The following RXFP2 variants were observed in gnomAD, a reference collection of about 807,000 sequenced individuals.
RXFP2 encodes the protein relaxin receptor 2.
Under a neutral mutation model 88.6 loss-of-function variants are expected in RXFP2, and 68 were observed. The observed-to-expected ratio is 0.77, with a 90% CI of 0.63 to 0.94. The LOEUF (loss-of-function observed/expected upper bound fraction) is 0.94. Among genes scored for constraint, RXFP2 ranks in the 40% least tolerant of loss-of-function variants. The pLI is 0.00. For missense variants in RXFP2, 791 were observed against 893.9 expected, an observed-to-expected ratio of 0.88 and a Z score of 1.47; for synonymous variants, 329 against 306.8, an observed-to-expected ratio of 1.07 and a Z score of -0.76.
rs576759368 is a variant in RXFP2 at position 31,800,527 on chromosome 13, G to A, written c.2006-1619G>A. Among the ~76,000 whole-genome samples the A allele has an allele frequency of 3.9e-5, 6 of 152,308 alleles. 1 individual carries two copies. In the South Asian group the frequency reaches 1.2e-3, roughly 32 times the overall value. ...GTAGAGCTTGCAGTGAGCCGAGATC[G>A]TGCCACTGCACTCCAGCCTGGGCGA... On this transcript the variant is annotated intron_variant, in intron 17 of 17. Coordinates refer to ENST00000298386, the MANE Select transcript of RXFP2 (RefSeq NM_130806.5).
rs375605559 is a variant in RXFP2 at position 31,790,480 on chromosome 13, G to A, written c.1145+1287G>A. On this transcript the variant is annotated intron_variant, in intron 14 of 17. Transcript: ENST00000298386. Reference sequence around the variant, plus strand: ...TACTTGAAGGCAAGAATTGCCTCCTGTTTCTCTTCCTGACACACCCAGTGC... The same window carrying A: ...TACTTGAAGGCAAGAATTGCCTCCTATTTCTCTTCCTGACACACCCAGTGC... Among the ~76,000 whole-genome samples the A allele has an allele frequency of 2.9e-4, 44 of 152,170 alleles. No individual in the cohort carries two copies. The East Asian group carries it at 3.7e-3, about 13-fold the overall frequency.
intron 5 of RXFP2, among the ~76,000 whole-genome samples, chr13:31,771,823 G>T (rs1872745834): frequency 6.6e-6 from 1 of 150,612 alleles, no homozygotes; most frequent in African/African-American, 2.4e-5. Flanking sequence ...AAAGAAAAAA[G>T]AAAAATTGTC....
intron 2 of RXFP2, among the ~76,000 whole-genome samples, chr13:31,760,776 A>G (rs1268503003): frequency 6.6e-6 from 1 of 152,224 alleles, no homozygotes; most frequent in Non-Finnish European, 1.5e-5. Flanking sequence ...ATTATAATGC[A>G]TATTTTATTA....
At position 31,774,437 on chromosome 13, in the gene RXFP2, A is replaced by G. The variant is rs568254083; in HGVS notation, c.498-183A>G. Among the ~76,000 whole-genome samples the G allele has an allele frequency of 2.6e-5, 4 of 152,312 alleles. No individual in the cohort carries two copies. In the East Asian group the frequency reaches 7.7e-4, roughly 29 times the overall value. ...GCCTCAATCTCATTGCATGAGTACT[A>G]TGAGGAAAGCACTGGCTAGTTGGTA... On this transcript the variant is annotated intron_variant, in intron 5 of 17. Transcript: ENST00000298386.
rs759520881 is a variant in RXFP2 at position 31,803,192 on chromosome 13, T to C, written c.*787T>C. ...CTATTGCTGGCAAGTTCTGCTTTCA[T>C]AAAATATGCAGATAAGAAGTGTTAA... On this transcript the variant is annotated 3_prime_UTR_variant, in exon 18 of 18. Transcript: ENST00000298386. 1 of 152,242 alleles carries C rather than the reference T, an allele frequency of 6.6e-6. No individual in the cohort carries two copies. Among genetic ancestry groups the C allele is most frequent in the Non-Finnish European group, 1.5e-5 (1 of 68,056 alleles). The allele number at this position is 152,242 out of a possible 1,614,324, so 9.4% of individuals were successfully genotyped here.
intron 14 of RXFP2, 103 bp from the exon 15 acceptor site, chr13:31,791,703 G>A: frequency 1.3e-6 from 1 of 797,388 alleles, no homozygotes. Context: ...AACAAACCTA[G>A]TGAAGTTGTA....
At chr13:31,765,828 G>T (rs981538972) in intron 4 of RXFP2, 128 bp from the exon 5 acceptor site, 10 of 629,604 alleles carry the variant, frequency 1.6e-5, no homozygotes, top group Non-Finnish European at 2.6e-5. Context: ...TTTAGTTATT[G>T]TCATGTTCAA....
chr13:31,779,880 A>C (rs1873185282), intron 9 of RXFP2, among the ~76,000 whole-genome samples: 1 of 152,242 alleles, frequency 6.6e-6, no homozygotes, highest in Non-Finnish European at 1.5e-5. Flanking sequence ...ATGCTGTCAA[A>C]AGGCTTCTAA....
chr13:31,785,542 A>G lies in RXFP2; in HGVS notation c.930-841A>G, dbSNP rs1325510316. ...GCACTTCTATAATAGCACCTGTTTG[A>G]TTGTTTCCTTGTTTGTATCTAGTTG... On this transcript the variant is annotated intron_variant, in intron 11 of 17. Transcript: ENST00000298386. Among the ~76,000 whole-genome samples the G allele has an allele frequency of 2.0e-5, 3 of 151,154 alleles. No homozygotes were observed. In the East Asian group the frequency reaches 5.8e-4, roughly 29 times the overall value.
At chr13:31,795,086 T>C (rs1873963346) in intron 16 of RXFP2, among the ~76,000 whole-genome samples, 1 of 152,148 alleles carries the variant, frequency 6.6e-6, no homozygotes, top group Non-Finnish European at 1.5e-5. Flanking sequence ...TTTCCACATA[T>C]GCCCCACCTG....
At chr13:31,782,590 C>T in intron 10 of RXFP2, 86 bp from the exon 11 acceptor site, 1 of 975,006 alleles carries the variant, frequency 1.0e-6, no homozygotes. Context: ...TTATAAAATT[C>T]TGCCTGGATC....
intron 2 of RXFP2, 60 bp downstream of exon 2, chr13:31,758,464 G>A (rs1291341806): frequency 6.3e-7 from 1 of 1,586,444 alleles, no homozygotes; most frequent in African/African-American, 1.3e-5. Flanking sequence ...CAAAACTGTG[G>A]GTCGGTTGGA....
intron 1 of RXFP2, among the ~76,000 whole-genome samples, chr13:31,752,119 T>C (rs1871697952): frequency 6.6e-6 from 1 of 152,186 alleles, no homozygotes; most frequent in Admixed American, 6.5e-5. Flanking sequence ...CCATCCCTGG[T>C]AAGGATGAGG....
rs766465785 is a variant in RXFP2 at position 31,797,320 on chromosome 13, G to C, written c.1906G>C (p.Val636Leu). The C allele has an allele frequency of 1.9e-6, 3 of 1,613,962 alleles. No individual in the cohort carries two copies. The highest frequency in any genetic ancestry group is 2.5e-6 in the Non-Finnish European group (3 of 1,179,970). The change falls in exon 17 of 18, where the codon GTT becomes CTT. Residue 636 changes from valine to leucine, a missense_variant. Transcript: ENST00000298386. ...GAATTGTTTTGGAAGAGAGGTGGCT[G>C]TTGCAAATCGTTTCTTTTTTATAGT... ...VRNCFGREVA[V>L]ANRFFFIVFS...
chr13:31,741,487 A>G (rs2138376397), intron 1 of RXFP2, among the ~76,000 whole-genome samples: 1 of 152,286 alleles, frequency 6.6e-6, no homozygotes, highest in African/African-American at 2.4e-5. Context: ...TTAAAACGGT[A>G]AGGCTTTTCA....
chr13:31,746,163 G>A (rs1221757779), intron 1 of RXFP2, among the ~76,000 whole-genome samples: 1 of 152,184 alleles, frequency 6.6e-6, no homozygotes, highest in Non-Finnish European at 1.5e-5. Context: ...GTCTATGGTG[G>A]GTCATGGGCT....
chr13:31,751,707 G>T (rs188395934), intron 1 of RXFP2, among the ~76,000 whole-genome samples: 30 of 152,148 alleles, frequency 2.0e-4, no homozygotes, highest in African/African-American at 7.2e-4. Context: ...GAGGTGAAGG[G>T]ACCAAGGTAC....
chr13:31,765,103 T>C lies in RXFP2; in HGVS notation c.386T>C (p.Leu129Ser), dbSNP rs1342756024. ...GAATTGGAATGTGTAAATGGTGACTTAAAGTCTGTGCCGATGATTTCTAAC... is the reference window on the plus strand; with the variant it reads ...GAATTGGAATGTGTAAATGGTGACTCAAAGTCTGTGCCGATGATTTCTAAC... ...ETELECVNGD[L>S]KSVPMISNNV... Residue 129 changes from leucine to serine, a missense_variant, in exon 4 of 18, where the codon TTA becomes TCA. By Grantham distance (145) the Leu-to-Ser change is moderately radical. Coordinates refer to ENST00000298386, the MANE Select transcript of RXFP2 (RefSeq NM_130806.5). 6.2e-7 allele frequency: 1 copy of C among 1,611,034 alleles called. No individual in the cohort carries two copies. The highest frequency in any genetic ancestry group is 2.2e-5 in the East Asian group (1 of 44,762).
At chr13:31,796,624 C>T (rs116850109) in intron 16 of RXFP2, among the ~76,000 whole-genome samples, 2,102 of 152,184 alleles carry the variant, frequency 0.014, 17 homozygotes, top group Non-Finnish European at 0.021. Context: ...GTCTATAATT[C>T]CTCATAAGGG....
Sources: allele counts gnomAD v4.1 joint callset (sites outside exome capture counted in the v4.1 genomes callset), GRCh38; gene constraint gnomAD v4.1.1; transcripts MANE v1.5; gene names NCBI Gene and HGNC (gene_info 2026-07-23, HGNC 2026-07-21).